The following GUCY1B1 variants were observed in gnomAD, a reference collection of about 807,000 sequenced individuals.
GUCY1B1 encodes the protein guanylate cyclase 1 soluble subunit beta 1.
In GUCY1B1, 43 loss-of-function variants were observed where a neutral mutation model predicts 71.0. The observed-to-expected ratio is 0.61, with a 90% CI of 0.47 to 0.78. The LOEUF (loss-of-function observed/expected upper bound fraction) is 0.78, where lower values mean the gene tolerates loss of function less well. Among genes scored for constraint, GUCY1B1 ranks in the 30% least tolerant of loss-of-function variants. The pLI, the probability that GUCY1B1 is intolerant of heterozygous loss-of-function variation, is 0.00. For missense variants in GUCY1B1, 535 were observed against 754.1 expected (o/e 0.71, Z 3.40); for synonymous variants, 266 against 259.7 (o/e 1.02, Z -0.23).
intron 9 of GUCY1B1, among the ~76,000 whole-genome samples, chr4:155,800,785 T>C (rs1739892097): frequency 6.6e-6 from 1 of 152,206 alleles, no homozygotes; most frequent in Non-Finnish European, 1.5e-5. Context: ...CTGACATTTA[T>C]AAGCTATTTT....
chr4:155,793,574 A>G (rs948133354), intron 5 of GUCY1B1, among the ~76,000 whole-genome samples: 1 of 152,170 alleles, frequency 6.6e-6, no homozygotes, highest in Non-Finnish European at 1.5e-5. Context: ...GGCAGAGCCC[A>G]CAAGTGCTTT....
intron 3 of GUCY1B1, among the ~76,000 whole-genome samples, chr4:155,776,957 A>T (rs1352737529): frequency 1.3e-5 from 2 of 152,164 alleles, no homozygotes; most frequent in Non-Finnish European, 2.9e-5. Context: ...TTGAGACCAG[A>T]AGTGTTTAGG....
intron 4 of GUCY1B1, among the ~76,000 whole-genome samples, chr4:155,784,277 T>C (rs1738622521): frequency 6.6e-6 from 1 of 152,170 alleles, no homozygotes; most frequent in Non-Finnish European, 1.5e-5. Flanking sequence ...AGCTATTTAA[T>C]TCTCAAGAAG....
intron 8 of GUCY1B1, among the ~76,000 whole-genome samples, chr4:155,797,078 T>G (rs1406104699): frequency 6.6e-6 from 1 of 152,198 alleles, no homozygotes; most frequent in Non-Finnish European, 1.5e-5. Flanking sequence ...AACTATAGAT[T>G]GTTGTTTTCC....
chr4:155,793,233 C>T lies in GUCY1B1; in HGVS notation c.496-623C>T, dbSNP rs528402840. ...CTGGGATTATAGGCACCCACCACTG[C>T]GCCTGGCTAATTTTTGTATTTTTAG... is the stretch of plus-strand genomic sequence containing the variant. On this transcript the variant is annotated intron_variant, in intron 5 of 13. Transcript: ENST00000264424. 3.0e-3 allele frequency among the ~76,000 whole-genome samples: 451 copies of T among 152,104 alleles called. 1 individual carries two copies. The highest frequency in any genetic ancestry group is 4.7e-3 in the Non-Finnish European group (320 of 68,002).
At chr4:155,779,288 C>CTACA (rs944894855) in intron 4 of GUCY1B1, among the ~76,000 whole-genome samples, 2 of 152,048 alleles carry the variant, frequency 1.3e-5, no homozygotes, top group Non-Finnish European at 2.9e-5. Context: ...GACCCTGTCT[C>CTACA]TACATACATA....
chr4:155,793,158 C>A (rs1014540709), intron 5 of GUCY1B1, among the ~76,000 whole-genome samples: 3 of 152,142 alleles, frequency 2.0e-5, no homozygotes, highest in Non-Finnish European at 4.4e-5. Context: ...TCACTACAAC[C>A]TCTGCCTCCC....
chr4:155,774,347 C>A (rs1737895363), intron 2 of GUCY1B1, among the ~76,000 whole-genome samples: 2 of 152,124 alleles, frequency 1.3e-5, no homozygotes, highest in African/African-American at 2.4e-5. Context: ...GCCCAGAACA[C>A]AATCTCTCTA....
chr4:155,772,765 C>T (rs778891435), intron 2 of GUCY1B1: 15 of 702,262 alleles, frequency 2.1e-5, no homozygotes, highest in South Asian at 8.9e-5. Context: ...TGATTTGCTC[C>T]GGTTCATTTA....
intron 9 of GUCY1B1, among the ~76,000 whole-genome samples, chr4:155,800,812 G>A (rs1739894717): frequency 6.6e-6 from 1 of 152,102 alleles, no homozygotes; most frequent in Non-Finnish European, 1.5e-5. Context: ...GTTCTTATGT[G>A]TTCGTTTTTT....
chr4:155,791,737 AAT>A (rs200840543), intron 5 of GUCY1B1, among the ~76,000 whole-genome samples: 160 of 98,580 alleles, frequency 1.6e-3, no homozygotes, highest in South Asian at 5.7e-3. Flanking sequence ...TTATCAAAAA[AAT>A]AGAGAAAAAA....
intron 2 of GUCY1B1, among the ~76,000 whole-genome samples, chr4:155,764,795 A>G (rs1364124515): frequency 1.3e-5 from 2 of 152,056 alleles, no homozygotes; most frequent in African/African-American, 4.8e-5. Flanking sequence ...CCAAGTGTAT[A>G]CTCCATCACA....
At chr4:155,791,623 C>T (rs1430224530) in intron 5 of GUCY1B1, among the ~76,000 whole-genome samples, 1 of 150,364 alleles carries the variant, frequency 6.7e-6, no homozygotes, top group African/African-American at 2.4e-5. Context: ...CCCAGCTACT[C>T]GGGAGGCTGA....
In GUCY1B1 at chr4:155,774,993, G is replaced by C. The variant is rs1737945394; in HGVS notation, c.103G>C (p.Gly35Arg). Residue 35 changes from glycine to arginine, a missense_variant, in exon 3 of 14, where the codon GGA becomes CGA. By Grantham distance (125) the Gly-to-Arg change is moderately radical. Transcript: ENST00000264424. ...AAAAGAGGCACAGTTAGATGAAGAAGGACAGTTTCTTGTCAGAATAATATA... is the reference window on the plus strand; with the variant it reads ...AAAAGAGGCACAGTTAGATGAAGAACGACAGTTTCTTGTCAGAATAATATA... ...IKKEAQLDEE[G>R]QFLVRIIYDD... is the part of the protein sequence containing the mutation. 6.3e-7 allele frequency: 1 copy of C among 1,596,444 alleles called. No individual in the cohort carries two copies. Among genetic ancestry groups the C allele is most frequent in the Non-Finnish European group, 8.6e-7 (1 of 1,164,780 alleles).
intron 5 of GUCY1B1, among the ~76,000 whole-genome samples, chr4:155,792,766 A>AG (rs1379003462): frequency 6.6e-6 from 1 of 152,130 alleles, no homozygotes; most frequent in East Asian, 1.9e-4. Flanking sequence ...TCCCTTTGTA[A>AG]GAGGGCTCAT....
At chr4:155,769,352 G>A (rs971255241) in intron 2 of GUCY1B1, among the ~76,000 whole-genome samples, 1 of 152,028 alleles carries the variant, frequency 6.6e-6, no homozygotes, top group African/African-American at 2.4e-5. Flanking sequence ...TCTTTATCTA[G>A]GTTTACTTGT....
intron 5 of GUCY1B1, among the ~76,000 whole-genome samples, chr4:155,791,062 A>G (rs1041358165): frequency 5.3e-5 from 8 of 152,170 alleles, no homozygotes; most frequent in Middle Eastern, 3.4e-3. Context: ...CAATTCATCC[A>G]TGATTGGGAA....
intron 4 of GUCY1B1, chr4:155,785,383 C>T: frequency 1.3e-6 from 1 of 798,150 alleles, no homozygotes; most frequent in South Asian, 1.6e-5. Context: ...TATGGACATA[C>T]TTCTTTGCAA....
chr4:155,806,280 A>G (rs1740306134), intron 13 of GUCY1B1, 106 bp from the exon 14 acceptor site: 1 of 675,304 alleles, frequency 1.5e-6, no homozygotes, highest in Non-Finnish European at 2.6e-6. Context: ...GAAACTGTAG[A>G]TGTGAACGTG....
Sources: allele counts gnomAD v4.1 joint callset (sites outside exome capture counted in the v4.1 genomes callset), GRCh38; gene constraint gnomAD v4.1.1; transcripts MANE v1.5; gene names NCBI Gene and HGNC (gene_info 2026-07-23, HGNC 2026-07-21).